SCHIP1: variants seen among roughly 807,000 people sequenced by gnomAD.
SCHIP1 encodes the protein schwannomin interacting protein 1, also known as schwannomin-interacting protein 1.
In SCHIP1, 8 loss-of-function variants were observed where a neutral mutation model predicts 29.7. That is an observed-to-expected ratio of 0.27 (90% CI 0.16 to 0.49). SCHIP1 has a LOEUF of 0.49. Among genes scored for constraint, SCHIP1 ranks in the 20% least tolerant of loss-of-function variants. SCHIP1 has a pLI of 0.99. For synonymous variants in SCHIP1, 76 were observed against 94.9 expected, an observed-to-expected ratio of 0.80 and a Z score of 1.16; for missense variants, 193 against 294.6, an observed-to-expected ratio of 0.66 and a Z score of 2.52.
the SCHIP1 span, among the ~76,000 whole-genome samples, chr3:159,368,958 A>G: frequency 9.2e-5 from 14 of 152,218 alleles, no homozygotes; most frequent in African/African-American, 3.4e-4. Flanking sequence ...GACAACCACT[A>G]TTCTGCAGCT....
chr3:159,300,177 G>A, the SCHIP1 span, among the ~76,000 whole-genome samples: 9 of 136,462 alleles, frequency 6.6e-5, no homozygotes, highest in East Asian at 1.3e-3. Flanking sequence ...GCTGGAGTGC[G>A]AATGGCATAA....
the SCHIP1 span, among the ~76,000 whole-genome samples, chr3:159,323,962 T>C: frequency 6.6e-6 from 1 of 152,170 alleles, no homozygotes; most frequent in Non-Finnish European, 1.5e-5. Context: ...AAACTGTCAG[T>C]TATTAATCAA....
At chr3:159,302,700 C>T in the SCHIP1 span, among the ~76,000 whole-genome samples, 11 of 152,276 alleles carry the variant, frequency 7.2e-5, no homozygotes, top group South Asian at 2.3e-3. Context: ...TACATTCAAA[C>T]TGATTAAAAA....
the SCHIP1 span, among the ~76,000 whole-genome samples, chr3:159,726,215 A>G: frequency 6.6e-6 from 1 of 152,310 alleles, no homozygotes; most frequent in East Asian, 1.9e-4. Context: ...GTTTGATTTC[A>G]TTATTTAAAA....
the SCHIP1 span, among the ~76,000 whole-genome samples, chr3:159,554,886 T>C: frequency 2.6e-5 from 4 of 152,148 alleles, no homozygotes; most frequent in South Asian, 4.1e-4. Flanking sequence ...CTTTCTCCTA[T>C]ATGCTTCCAC....
the SCHIP1 span, among the ~76,000 whole-genome samples, chr3:159,469,585 C>A: frequency 6.6e-6 from 1 of 152,060 alleles, no homozygotes; most frequent in African/African-American, 2.4e-5. Flanking sequence ...CAGGAGCAGG[C>A]GGGCCTTGGT....
At chr3:159,311,013 ATG>A in the SCHIP1 span, among the ~76,000 whole-genome samples, 1 of 152,112 alleles carries the variant, frequency 6.6e-6, no homozygotes, top group Non-Finnish European at 1.5e-5. Flanking sequence ...CCCATATCAT[ATG>A]ATAGTTTTTA....
chr3:159,320,054 G>C, the SCHIP1 span, among the ~76,000 whole-genome samples: 2 of 152,202 alleles, frequency 1.3e-5, no homozygotes, highest in Admixed American at 6.5e-5. Context: ...ATCGGGTCAC[G>C]AAGACAGAGC....
At chr3:159,780,325 A>G in the SCHIP1 span, among the ~76,000 whole-genome samples, 1 of 152,180 alleles carries the variant, frequency 6.6e-6, no homozygotes, top group Non-Finnish European at 1.5e-5. Context: ...GTGCTGCTCC[A>G]GTGTCTGCCT....
chr3:159,693,913 G>C, the SCHIP1 span, among the ~76,000 whole-genome samples: 1 of 152,152 alleles, frequency 6.6e-6, no homozygotes, highest in Non-Finnish European at 1.5e-5. Context: ...CGTGTGTCGT[G>C]AAGATCAGTG....
chr3:159,493,482 A>G, the SCHIP1 span, among the ~76,000 whole-genome samples: 1 of 152,148 alleles, frequency 6.6e-6, no homozygotes, highest in Non-Finnish European at 1.5e-5. Context: ...CTTTAAACCA[A>G]CAAAGATCAA....
chr3:159,442,614 C>T, the SCHIP1 span, among the ~76,000 whole-genome samples: 1 of 152,212 alleles, frequency 6.6e-6, no homozygotes, highest in Non-Finnish European at 1.5e-5. Flanking sequence ...AAAAATTCGT[C>T]TTTAGAAACT....
At chr3:159,369,490 C>A in the SCHIP1 span, among the ~76,000 whole-genome samples, 2 of 151,788 alleles carry the variant, frequency 1.3e-5, no homozygotes, top group South Asian at 4.2e-4. Flanking sequence ...GGTTGATCAT[C>A]TACAGCAAAA....
At chr3:159,626,622 A>T in the SCHIP1 span, among the ~76,000 whole-genome samples, 1 of 152,152 alleles carries the variant, frequency 6.6e-6, no homozygotes, top group Admixed American at 6.5e-5. Flanking sequence ...CTTAGCAAAC[A>T]TAACAGTTTG....
At chr3:159,521,977 G>A in the SCHIP1 span, among the ~76,000 whole-genome samples, 1 of 152,182 alleles carries the variant, frequency 6.6e-6, no homozygotes, top group East Asian at 1.9e-4. Context: ...AAGCTTACTT[G>A]GAAAAATAAT....
At chr3:159,839,990 C>T in exon 1 of SCHIP1, 2 of 1,434,212 alleles carry the variant, frequency 1.4e-6, no homozygotes, top group South Asian at 3.0e-5. Flanking sequence ...CAGCTCAGCT[C>T]GCTAGCTGCG....
chr3:159,285,944 C>CTT, the SCHIP1 span, among the ~76,000 whole-genome samples: 5 of 151,996 alleles, frequency 3.3e-5, no homozygotes, highest in African/African-American at 1.2e-4. Flanking sequence ...TTCTATATCT[C>CTT]TTTTATTTAT....
intron 6 of SCHIP1, chr3:159,893,967 G>A (rs528906437): frequency 6.6e-6 from 1 of 152,386 alleles, no homozygotes; most frequent in East Asian, 1.9e-4. Context: ...GATCTCAGAA[G>A]GCGGAGGGGG....
At chr3:159,535,276 C>T in the SCHIP1 span, among the ~76,000 whole-genome samples, 5 of 152,152 alleles carry the variant, frequency 3.3e-5, no homozygotes, top group African/African-American at 4.8e-5. Flanking sequence ...CTCATTTTCT[C>T]CACTCATTCA....
Sources: allele counts gnomAD v4.1 joint callset (sites outside exome capture counted in the v4.1 genomes callset), GRCh38; gene constraint gnomAD v4.1.1; transcripts MANE v1.5; gene names NCBI Gene and HGNC (gene_info 2026-07-23, HGNC 2026-07-21).